Variants in CAGE1 observed in about 807,000 individuals in gnomAD.
The protein encoded by CAGE1 is cancer antigen 1.
A neutral mutation model predicts 94.9 loss-of-function variants in CAGE1; 66 were observed. That is an observed-to-expected ratio of 0.70 (90% confidence interval 0.57 to 0.85). The LOEUF is 0.85. CAGE1 is among the 40% of genes least tolerant of loss of function. The pLI, the probability that CAGE1 is intolerant of heterozygous loss-of-function variation, is 0.00. For missense variants in CAGE1, 865 were observed against 950.4 expected (o/e 0.91, Z 1.18); for synonymous variants, 319 against 321.0 (o/e 0.99, Z 0.07).
Position 7,339,551 on chromosome 6 carries a change from G to C in CAGE1, c.2370-5461C>G. ...CATCAGTGACAAACTTCCTCTTCTTGGAAATTTGTAAGGCGATCTTGCCGC... is the reference window on the plus strand; with the variant it reads ...CATCAGTGACAAACTTCCTCTTCTTCGAAATTTGTAAGGCGATCTTGCCGC... On this transcript the variant is annotated intron_variant, in intron 11 of 13. Transcript: ENST00000502583. The surrounding 1 kb of genome is among the most constrained non-coding windows in gnomAD (Gnocchi z 4.7). 1 of 780,134 alleles carries C rather than the reference G, an allele frequency of 1.3e-6. No homozygotes were observed. Among genetic ancestry groups the C allele is most frequent in the Admixed American group, 1.7e-5 (1 of 58,580 alleles). 48.3% of individuals were successfully genotyped at this position (780,134 alleles called of 1,614,324 possible). A position where few individuals can be genotyped will look rare whatever the true frequency, so the allele number is the denominator to read the frequency against.
chr6:7,369,995 T>C lies in CAGE1; in HGVS notation c.1817A>G (p.Asp606Gly). Residue 606 changes from aspartate (D) to glycine (G), a missense_variant, in exon 6 of 14, where the codon GAT (aspartate) becomes GGT (glycine). Coordinates refer to ENST00000502583, the MANE Select transcript of CAGE1 (RefSeq NM_001170692.2). ...GGCCAGCTGAGAAGCTCTTTTTATA[T>C]CTGCAGGATTCAGCCTCTCTTCACA... ...SPCEERLNPA[D>G]IKRASQLASK... 1 of 1,613,860 alleles carries C rather than the reference T, an allele frequency of 6.2e-7. No homozygotes were observed. The highest frequency in any genetic ancestry group is 8.5e-7 in the Non-Finnish European group (1 of 1,179,828).
intron 11 of CAGE1, chr6:7,341,878 G>A (rs1759191068): frequency 5.8e-6 from 4 of 684,962 alleles, no homozygotes; most frequent in Admixed American, 3.6e-5. Flanking sequence ...TTGCAGGAAC[G>A]GGTGCCCTCT....
chr6:7,339,556 T>C lies in CAGE1; in HGVS notation c.2370-5466A>G, dbSNP rs1759092121. The C allele has an allele frequency of 3.9e-6, 3 of 775,646 alleles. No individual in the cohort carries two copies. The highest frequency in any genetic ancestry group is 1.7e-5 in the Admixed American group (1 of 58,346). The allele number at this position is 775,646 out of a possible 1,614,324, so 48.0% of individuals were successfully genotyped here. A position where few individuals can be genotyped will look rare whatever the true frequency, so the allele number is the denominator to read the frequency against. On this transcript the variant is annotated intron_variant, in intron 11 of 13. Transcript: ENST00000502583. The surrounding 1 kb of genome is among the most constrained non-coding windows in gnomAD (Gnocchi z 4.7). ...GTGACAAACTTCCTCTTCTTGGAAATTTGTAAGGCGATCTTGCCGCCATGC... is the reference window on the plus strand; with the variant it reads ...GTGACAAACTTCCTCTTCTTGGAAACTTGTAAGGCGATCTTGCCGCCATGC...
chr6:7,386,849 A>G (rs959853941), intron 2 of CAGE1, 130 bp downstream of exon 2: 2 of 685,706 alleles, frequency 2.9e-6, no homozygotes, highest in Non-Finnish European at 4.9e-6. Context: ...CAGACCCTGT[A>G]TTCCCCTCCT....
chr6:7,352,172 G>A (rs970476483), intron 11 of CAGE1, among the ~76,000 whole-genome samples: 3 of 151,184 alleles, frequency 2.0e-5, no homozygotes, highest in Non-Finnish European at 2.9e-5. Flanking sequence ...ACTGACAAAC[G>A]AATTCAGCAA....
At chr6:7,348,229 A>G (rs1272855297) in intron 11 of CAGE1, among the ~76,000 whole-genome samples, 3 of 152,170 alleles carry the variant, frequency 2.0e-5, no homozygotes, top group Non-Finnish European at 4.4e-5. Context: ...TGATATCCAT[A>G]GACAGTTCAC....
intron 9 of CAGE1, among the ~76,000 whole-genome samples, chr6:7,357,292 A>G (rs533283034): frequency 2.0e-5 from 3 of 152,294 alleles, no homozygotes; most frequent in South Asian, 2.1e-4. Flanking sequence ...TATTACCTCA[A>G]TTTAACAGTT....
chr6:7,336,397 T>C (rs1468061082), intron 11 of CAGE1, among the ~76,000 whole-genome samples: 2 of 152,230 alleles, frequency 1.3e-5, no homozygotes, highest in Non-Finnish European at 2.9e-5. Flanking sequence ...GAGGAAGTCA[T>C]GTCCTCCGTA....
At chr6:7,380,177 T>C (rs1157342601) in intron 3 of CAGE1, among the ~76,000 whole-genome samples, 1 of 152,214 alleles carries the variant, frequency 6.6e-6, no homozygotes, top group African/African-American at 2.4e-5. Flanking sequence ...TATGGGTTTA[T>C]AGTGAAAACT....
At chr6:7,342,733 G>A (rs1419827699) in intron 11 of CAGE1, among the ~76,000 whole-genome samples, 2 of 152,110 alleles carry the variant, frequency 1.3e-5, no homozygotes, top group African/African-American at 2.4e-5. Context: ...AGCCAATGTC[G>A]AGAAGGGTTT....
Position 7,339,093 on chromosome 6 carries a change from T to TG in CAGE1, c.2370-5004dup. 1 of 1,596,904 alleles carries TG rather than the reference T, an allele frequency of 6.3e-7. No individual in the cohort carries two copies. The highest frequency in any genetic ancestry group is 8.6e-7 in the Non-Finnish European group (1 of 1,165,142). Reference sequence around the variant, plus strand: ...GTAGTAGTTAACAGGGTCTCTGCTGTGGATCATCAGGCCGTCCACAAACTT... The same window carrying TG: ...GTAGTAGTTAACAGGGTCTCTGCTGTGGGATCATCAGGCCGTCCACAAACTT... On this transcript the variant is annotated intron_variant, in intron 11 of 13. Transcript: ENST00000502583. This position sits in a 1 kb window ranked among gnomAD's most constrained non-coding sequence, Gnocchi z 4.7.
intron 12 of CAGE1, among the ~76,000 whole-genome samples, chr6:7,333,554 C>T (rs1758825820): frequency 6.7e-6 from 1 of 150,296 alleles, no homozygotes; most frequent in African/African-American, 2.4e-5. Flanking sequence ...ACATGAAGCA[C>T]TTTCATATAA....
Position 7,362,192 on chromosome 6 carries a change from T to C in CAGE1, c.2193+3276A>G, listed in dbSNP as rs1240619619. Among the ~76,000 whole-genome samples the C allele has an allele frequency of 6.6e-6, 1 of 152,258 alleles. No individual in the cohort carries two copies. Among genetic ancestry groups the C allele is most frequent in the Non-Finnish European group, 1.5e-5 (1 of 68,048 alleles). On this transcript the variant is annotated intron_variant, in intron 9 of 13. Coordinates refer to ENST00000502583, the MANE Select transcript of CAGE1 (RefSeq NM_001170692.2). The surrounding 1 kb of genome is among the most constrained non-coding windows in gnomAD (Gnocchi z 4.1). ...AGTTAGGTAAATGTTTTACGTAATATATGATTGCCATATTGAAGTGGTATG... is the reference window on the plus strand; with the variant it reads ...AGTTAGGTAAATGTTTTACGTAATACATGATTGCCATATTGAAGTGGTATG...
In CAGE1 at chr6:7,373,807, T is replaced by C; in HGVS notation, c.1012A>G (p.Lys338Glu). The C allele has an allele frequency of 6.2e-7, 1 of 1,613,946 alleles. No homozygotes were observed. The highest frequency in any genetic ancestry group is 8.5e-7 in the Non-Finnish European group (1 of 1,179,832). The change falls in exon 5 of 14, where the codon AAA becomes GAA. Residue 338 changes from lysine to glutamate, a missense_variant. By Grantham distance (56) the Lys-to-Glu change is moderately conservative. Transcript: ENST00000502583. ...CSNLYLEKRV[K>E]ELQMKITKQQ... ...TTGGTAATCTTCATCTGTAGTTCTT[T>C]AACCCTCTTCTCTAAATACAGGTTA...
At chr6:7,378,410 T>A (rs1023286032) in intron 4 of CAGE1, among the ~76,000 whole-genome samples, 2 of 152,140 alleles carry the variant, frequency 1.3e-5, no homozygotes, top group African/African-American at 4.8e-5. Context: ...AAGTCCCTCA[T>A]GCTAACTAGG....
intron 9 of CAGE1, among the ~76,000 whole-genome samples, chr6:7,359,986 C>T (rs1303231909): frequency 6.6e-6 from 1 of 152,174 alleles, no homozygotes; most frequent in Non-Finnish European, 1.5e-5. Flanking sequence ...GCGCTCCTTT[C>T]TGGAGGCCTT....
intron 1 of CAGE1, 43 bp downstream of exon 1, chr6:7,389,153 AAACTAT>A (rs2113488413): frequency 2.4e-6 from 1 of 410,120 alleles, no homozygotes; most frequent in Non-Finnish European, 5.0e-6. Context: ...TTACTCGCAA[AAACTAT>A]AGTTTTGTTT....
intron 9 of CAGE1, among the ~76,000 whole-genome samples, chr6:7,361,060 G>C (rs1027351659): frequency 6.6e-6 from 1 of 152,200 alleles, no homozygotes; most frequent in African/African-American, 2.4e-5. Flanking sequence ...CTACACTCCA[G>C]TGTCATATTT....
At chr6:7,354,055 C>T (rs987742658) in intron 11 of CAGE1, among the ~76,000 whole-genome samples, 3 of 151,176 alleles carry the variant, frequency 2.0e-5, no homozygotes, top group Admixed American at 6.6e-5. Context: ...ACTTATCTAA[C>T]CAAATATCAC....
Sources: gnomAD v4.1 joint callset for allele counts (sites outside exome capture counted in the v4.1 genomes callset) on GRCh38, gnomAD v4.1.1 for gene constraint, Gnocchi (gnomAD v3.1) non-coding constraint, MANE v1.5 for transcripts, NCBI Gene and HGNC (gene_info 2026-07-23, HGNC 2026-07-21) for gene names.